The following RBBP8 variants were observed in gnomAD, a reference collection of about 807,000 sequenced individuals.
The protein encoded by RBBP8 is DNA endonuclease RBBP8.
A neutral mutation model predicts 108.3 loss-of-function variants in RBBP8; 88 were observed. That is an observed-to-expected ratio of 0.81 (90% CI 0.68 to 0.97). RBBP8 has a LOEUF of 0.97. Among genes scored for constraint, RBBP8 ranks in the 50% least tolerant of loss-of-function variants. The probability of loss-of-function intolerance (pLI) is 0.00; values close to 1 mark genes in which losing one functional copy is unlikely to be tolerated. For synonymous variants in RBBP8, 332 were observed against 348.2 expected, an observed-to-expected ratio of 0.95 and a Z score of 0.52; for missense variants, 1,023 against 1,049.0, an observed-to-expected ratio of 0.98 and a Z score of 0.34.
chr18:23,017,550 A>G (rs2046280367), intron 17 of RBBP8, among the ~76,000 whole-genome samples: 1 of 150,308 alleles, frequency 6.7e-6, no homozygotes. Context: ...GCTACTCGGG[A>G]AGCTGAGGCA....
At chr18:23,006,474 A>C in intron 16 of RBBP8, 42 bp downstream of exon 16, 1 of 1,411,228 alleles carries the variant, frequency 7.1e-7, no homozygotes, top group Non-Finnish European at 1.0e-6. Context: ...GACTGGAAGT[A>C]CAATAGAGCT....
chr18:23,017,469 T>G (rs1445867550), intron 17 of RBBP8, among the ~76,000 whole-genome samples: 1 of 150,814 alleles, frequency 6.6e-6, no homozygotes, highest in Non-Finnish European at 1.5e-5. Flanking sequence ...CTGGCTAACA[T>G]GGTGAAACCC....
At chr18:22,971,079 G>A (rs1914039557) in intron 5 of RBBP8, among the ~76,000 whole-genome samples, 1 of 151,552 alleles carries the variant, frequency 6.6e-6, no homozygotes, top group Non-Finnish European at 1.5e-5. Context: ...TTCAGGCCTC[G>A]TAACTGCATT....
At chr18:22,947,998 A>G (rs1171235087) in intron 3 of RBBP8, among the ~76,000 whole-genome samples, 1 of 152,092 alleles carries the variant, frequency 6.6e-6, no homozygotes, top group Non-Finnish European at 1.5e-5. Context: ...ACTCACTACT[A>G]TTACAGAGTT....
chr18:22,984,790 C>T, intron 7 of RBBP8, 96 bp from the exon 8 acceptor site: 2 of 687,350 alleles, frequency 2.9e-6, no homozygotes, highest in Non-Finnish European at 4.8e-6. Context: ...ACAGATAATA[C>T]ATAAAAATTT....
At chr18:22,921,952 G>A (rs8096389) in intron 3 of RBBP8, among the ~76,000 whole-genome samples, 103,107 of 151,968 alleles carry the variant, frequency 0.68, 35,855 homozygotes, top group Middle Eastern at 0.84. Flanking sequence ...TTGGACCCTC[G>A]AGTAACACTT....
intron 9 of RBBP8, among the ~76,000 whole-genome samples, chr18:22,990,053 G>C (rs1172645773): frequency 6.6e-6 from 1 of 152,090 alleles, no homozygotes; most frequent in Admixed American, 6.6e-5. Flanking sequence ...GTCCTTTCTA[G>C]TTTTAAATTC....
chr18:23,007,761 T>G (rs2046081974), intron 16 of RBBP8, among the ~76,000 whole-genome samples: 1 of 151,774 alleles, frequency 6.6e-6, no homozygotes, highest in African/African-American at 2.4e-5. Context: ...CAGAATTATT[T>G]TATAAGGATT....
chr18:22,943,851 C>A (rs1347597613), intron 2 of RBBP8, among the ~76,000 whole-genome samples: 1 of 152,144 alleles, frequency 6.6e-6, no homozygotes, highest in African/African-American at 2.4e-5. Context: ...ATAAGGAATT[C>A]TTGCCTCATT....
At chr18:22,934,709 C>T (rs950136441) in intron 1 of RBBP8, 2 of 150,792 alleles carry the variant, frequency 1.3e-5, no homozygotes, top group Admixed American at 6.6e-5. Context: ...CGTTCCCCTT[C>T]CTGTGTCCAG....
In RBBP8 at chr18:22,936,904, G is replaced by A; in HGVS notation, c.53G>A (p.Ser18Asn). 1.9e-6 allele frequency: 3 copies of A among 1,614,122 alleles called. No homozygotes were observed. Among genetic ancestry groups the A allele is most frequent in the Non-Finnish European group, 1.7e-6 (2 of 1,180,012 alleles). Reference sequence around the variant, plus strand: ...AGCCCTAACTCTGCAGATACATCTAGTGACTTTAAGGACCTTTGGACAAAA... The same window carrying A: ...AGCCCTAACTCTGCAGATACATCTAATGACTTTAAGGACCTTTGGACAAAA... ...CGSPNSADTSSDFKDLWTKLK... is the reference protein window; with the variant it reads ...CGSPNSADTSNDFKDLWTKLK... The change falls in exon 2 of 19, where the codon AGT becomes AAT. Residue 18 changes from serine to asparagine, a missense_variant. Physicochemically the swap from Ser to Asn is conservative, Grantham distance 46. Transcript: ENST00000327155.
At position 23,022,162 on chromosome 18, in the gene RBBP8, A is replaced by G. The variant is rs2046355528; in HGVS notation, c.2488A>G (p.Lys830Glu). Residue 830 changes from lysine to glutamate, a missense_variant, in exon 18 of 19, where the codon AAG becomes GAG. Lys to Glu is a moderately conservative substitution (Grantham distance 56, BLOSUM62 1). Transcript: ENST00000327155. ...YADMPAEERE[K>E]KLASCSRHRF... ...AGATATGCCAGCAGAAGAAAGAGAA[A>G]AGAAATTGGCTTCCTGCTCAAGACA... 2 of 1,608,506 alleles carry G rather than the reference A, an allele frequency of 1.2e-6. No homozygotes were observed. Among genetic ancestry groups the G allele is most frequent in the East Asian group, 2.2e-5 (1 of 44,854 alleles).
chr18:22,939,766 G>C (rs1216842652), intron 2 of RBBP8, among the ~76,000 whole-genome samples: 2 of 152,172 alleles, frequency 1.3e-5, no homozygotes, highest in Non-Finnish European at 2.9e-5. Context: ...TTCTAGTCTA[G>C]AATTTTAATG....
intron 1 of RBBP8, among the ~76,000 whole-genome samples, chr18:22,935,698 T>C (rs972056942): frequency 1.3e-5 from 2 of 152,222 alleles, no homozygotes; most frequent in Admixed American, 1.3e-4. Flanking sequence ...CTGATCACTA[T>C]TACTTTTTAA....
At chr18:23,020,895 A>G (rs1227469379) in intron 17 of RBBP8, among the ~76,000 whole-genome samples, 2 of 152,226 alleles carry the variant, frequency 1.3e-5, no homozygotes, top group Non-Finnish European at 2.9e-5. Context: ...TAAGGTAACA[A>G]AGGCTTATAC....
At chr18:22,947,005 T>C (rs2144470245) in intron 3 of RBBP8, among the ~76,000 whole-genome samples, 1 of 152,200 alleles carries the variant, frequency 6.6e-6, no homozygotes, top group African/African-American at 2.4e-5. Context: ...TCAGATCTGA[T>C]TTTTTAAGTT....
chr18:22,920,488 GAA>G (rs1909547828), intron 3 of RBBP8, among the ~76,000 whole-genome samples: 3 of 152,116 alleles, frequency 2.0e-5, no homozygotes, highest in Admixed American at 6.5e-5. Flanking sequence ...AATGTAACTT[GAA>G]TAACAAATTT....
intron 18 of RBBP8, among the ~76,000 whole-genome samples, chr18:23,022,740 T>C (rs973068738): frequency 6.6e-6 from 1 of 151,268 alleles, no homozygotes; most frequent in Non-Finnish European, 1.5e-5. Context: ...TTGCTGCAGG[T>C]TGGGTGCTAG....
chr18:22,980,742 T>G (rs1598699810), intron 6 of RBBP8, among the ~76,000 whole-genome samples: 3 of 140,510 alleles, frequency 2.1e-5, no homozygotes, highest in African/African-American at 2.7e-5. Context: ...GGAGACAGGG[T>G]CTCACTGTGT....
Sources: allele counts gnomAD v4.1 joint callset (sites outside exome capture counted in the v4.1 genomes callset), GRCh38; gene constraint gnomAD v4.1.1; transcripts MANE v1.5; gene names NCBI Gene and HGNC (gene_info 2026-07-23, HGNC 2026-07-21).